Variants in CPNE8 observed in about 807,000 individuals in gnomAD.
CPNE8 encodes the protein copine-8.
In CPNE8, 45 loss-of-function variants were observed where a neutral mutation model predicts 81.5. That is an observed-to-expected ratio of 0.55 (90% confidence interval 0.44 to 0.71). The LOEUF (loss-of-function observed/expected upper bound fraction) is 0.71, where lower values mean the gene tolerates loss of function less well. Ranked by LOEUF, CPNE8 falls within the 30% of genes least tolerant of loss-of-function variation. CPNE8 has a pLI of 0.00. For missense variants in CPNE8, 594 were observed against 672.1 expected (o/e 0.88, Z 1.28); for synonymous variants, 252 against 226.3 (o/e 1.11, Z -1.02).
Position 38,783,221 on chromosome 12 carries a change from G to A in CPNE8, c.408-6920C>T, listed in dbSNP as rs144824258. Among the ~76,000 whole-genome samples, 36 of 152,180 alleles carry A rather than the reference G, an allele frequency of 2.4e-4. No homozygotes were observed. The East Asian group carries it at 6.6e-3, about 28-fold the overall frequency. ...AGGCGGAGCAAGATGATGAAATAGAGGGCTCCATTGATCATCCCTCCTGCA... is the reference window on the plus strand; with the variant it reads ...AGGCGGAGCAAGATGATGAAATAGAAGGCTCCATTGATCATCCCTCCTGCA... On this transcript the variant is annotated intron_variant, in intron 6 of 19. Transcript: ENST00000331366.
At chr12:38,900,141 C>T (rs959139866) in intron 1 of CPNE8, among the ~76,000 whole-genome samples, 4 of 152,140 alleles carry the variant, frequency 2.6e-5, no homozygotes, top group Non-Finnish European at 5.9e-5. Flanking sequence ...TAAGCTCCAG[C>T]ACACCATCAA....
At chr12:38,837,129 G>A (rs1273379710) in intron 5 of CPNE8, among the ~76,000 whole-genome samples, 1 of 152,076 alleles carries the variant, frequency 6.6e-6, no homozygotes, top group African/African-American at 2.4e-5. Flanking sequence ...GAAAAGTAAT[G>A]AGAATCTGAA....
chr12:38,733,603 C>G (rs1022924747), intron 10 of CPNE8, among the ~76,000 whole-genome samples: 1 of 151,924 alleles, frequency 6.6e-6, no homozygotes. Flanking sequence ...AGCTCTCTGA[C>G]TGCATTTACA....
At chr12:38,655,200 A>G (rs1053631849) in intron 19 of CPNE8, among the ~76,000 whole-genome samples, 1 of 152,214 alleles carries the variant, frequency 6.6e-6, no homozygotes, top group Non-Finnish European at 1.5e-5. Flanking sequence ...CCCTTAATAA[A>G]AATGATTACT....
intron 3 of CPNE8, among the ~76,000 whole-genome samples, chr12:38,859,842 A>G (rs1943803379): frequency 6.6e-6 from 1 of 152,152 alleles, no homozygotes; most frequent in African/African-American, 2.4e-5. Context: ...TGGTGTAGAA[A>G]AAATTCAATA....
intron 1 of CPNE8, among the ~76,000 whole-genome samples, chr12:38,882,071 G>T (rs180994219): frequency 2.3e-4 from 35 of 152,252 alleles, no homozygotes; most frequent in Middle Eastern, 3.4e-3. Flanking sequence ...AACATATCAG[G>T]TCCAAATCCC....
chr12:38,802,696 C>A (rs1302351881), intron 6 of CPNE8, among the ~76,000 whole-genome samples: 2 of 151,812 alleles, frequency 1.3e-5, no homozygotes, highest in Admixed American at 6.6e-5. Context: ...AAAAACCCTT[C>A]CAAAAATCAA....
In CPNE8 at chr12:38,723,068, C is replaced by T. The variant is rs140224737; in HGVS notation, c.914+704G>A. On this transcript the variant is annotated intron_variant, in intron 13 of 19. Transcript: ENST00000331366. ...ATGAGGAACTGTGAGTCAATTAAACCTCTTTCCTTTATAAATTACCCAGTT... is the reference window on the plus strand; with the variant it reads ...ATGAGGAACTGTGAGTCAATTAAACTTCTTTCCTTTATAAATTACCCAGTT... Among the ~76,000 whole-genome samples, 309 of 152,296 alleles carry T rather than the reference C, an allele frequency of 2.0e-3. 2 individuals carry two copies. The highest frequency in any genetic ancestry group is 7.3e-3 in the African/African-American group (303 of 41,556).
chr12:38,809,596 T>C (rs1369032152), intron 6 of CPNE8, among the ~76,000 whole-genome samples: 3 of 152,170 alleles, frequency 2.0e-5, no homozygotes, highest in Non-Finnish European at 2.9e-5. Context: ...AATTTTGCTT[T>C]CACAGTTCAC....
At chr12:38,773,690 A>G (rs937476810) in intron 7 of CPNE8, among the ~76,000 whole-genome samples, 2 of 152,174 alleles carry the variant, frequency 1.3e-5, no homozygotes, top group African/African-American at 4.8e-5. Flanking sequence ...GGTGAATTAA[A>G]ATGATTGCAT....
chr12:38,724,709 T>C (rs1331687912), intron 12 of CPNE8, 137 bp downstream of exon 12: 2 of 570,844 alleles, frequency 3.5e-6, no homozygotes, highest in Non-Finnish European at 6.0e-6. Flanking sequence ...TTTTCTATTG[T>C]GTTCCTTCAT....
intron 1 of CPNE8, among the ~76,000 whole-genome samples, chr12:38,884,096 TA>T (rs1944203982): frequency 6.6e-6 from 1 of 152,166 alleles, no homozygotes. Context: ...GTTGATAGTA[TA>T]TTCACAGAGT....
At chr12:38,835,125 T>C (rs541010153) in intron 5 of CPNE8, among the ~76,000 whole-genome samples, 1 of 152,282 alleles carries the variant, frequency 6.6e-6, no homozygotes, top group Admixed American at 6.5e-5. Context: ...GACCTCGTGA[T>C]CTGCCCACCT....
chr12:38,729,854 T>C (rs1272036468), intron 11 of CPNE8, among the ~76,000 whole-genome samples: 1 of 152,004 alleles, frequency 6.6e-6, no homozygotes, highest in East Asian at 1.9e-4. Flanking sequence ...TATTACCTTG[T>C]CATTCCCTTC....
intron 1 of CPNE8, among the ~76,000 whole-genome samples, chr12:38,900,622 G>A (rs564284793): frequency 6.6e-6 from 1 of 152,184 alleles, no homozygotes; most frequent in Non-Finnish European, 1.5e-5. Context: ...AGGTAGGGCA[G>A]GGCAAAGAGC....
intron 10 of CPNE8, among the ~76,000 whole-genome samples, chr12:38,750,848 TG>T (rs1410721867): frequency 3.3e-5 from 5 of 152,108 alleles, no homozygotes; most frequent in Admixed American, 2.6e-4. Context: ...TGATTGGTTT[TG>T]AAATGTGAGG....
chr12:38,826,557 G>T (rs185582809), intron 6 of CPNE8, among the ~76,000 whole-genome samples: 2 of 152,170 alleles, frequency 1.3e-5, no homozygotes, highest in African/African-American at 2.4e-5. Context: ...CCCAACATCT[G>T]CATATTCTAC....
chr12:38,740,021 T>C (rs1941055983), intron 10 of CPNE8, among the ~76,000 whole-genome samples: 1 of 152,166 alleles, frequency 6.6e-6, no homozygotes. Flanking sequence ...AAAGGGGCAT[T>C]GTCAATGTGT....
chr12:38,885,140 T>G (rs975607907), intron 1 of CPNE8, among the ~76,000 whole-genome samples: 1 of 152,172 alleles, frequency 6.6e-6, no homozygotes, highest in African/African-American at 2.4e-5. Context: ...AAAAATTAAT[T>G]TATATGATAA....
Sources: allele counts gnomAD v4.1 joint callset (sites outside exome capture counted in the v4.1 genomes callset), GRCh38; gene constraint gnomAD v4.1.1; transcripts MANE v1.5; gene names NCBI Gene and HGNC (gene_info 2026-07-23, HGNC 2026-07-21).